Variants in SSR1 observed in about 807,000 individuals in gnomAD.
The protein encoded by SSR1 is translocon-associated protein subunit alpha.
In SSR1, 13 loss-of-function variants were observed where a neutral mutation model predicts 36.1. That is an observed-to-expected ratio of 0.36 (90% CI 0.23 to 0.57). The LOEUF is 0.57. Among genes scored for constraint, SSR1 ranks in the 20% least tolerant of loss-of-function variants. SSR1 has a pLI of 0.81. For synonymous variants in SSR1, 113 were observed against 118.9 expected (o/e 0.95, Z 0.32); for missense variants, 291 against 338.5 (o/e 0.86, Z 1.10).
Position 7,302,536 on chromosome 6 carries a change from C to A in SSR1, c.281-964G>T, listed in dbSNP as rs576358397. ...ATCCCAGTACTTCAGGAGGCAGAGGCGGGCGGATCATGAGGTGGAGATTGA... is the reference window on the plus strand; with the variant it reads ...ATCCCAGTACTTCAGGAGGCAGAGGAGGGCGGATCATGAGGTGGAGATTGA... On this transcript the variant is annotated intron_variant, in intron 3 of 7. Transcript: ENST00000244763. 8.5e-5 allele frequency among the ~76,000 whole-genome samples: 13 copies of A among 152,194 alleles called. 1 individual carries two copies. The highest frequency in any genetic ancestry group is 3.1e-4 in the African/African-American group (13 of 41,536).
At chr6:7,290,678 T>A (rs3799516) in intron 7 of SSR1, among the ~76,000 whole-genome samples, 55,948 of 150,598 alleles carry the variant, frequency 0.37, 10,345 homozygotes, top group South Asian at 0.44. Flanking sequence ...TTTCGTATTG[T>A]TTTTTTTTGG....
chr6:7,309,928 GTTCATCTTCTTCTACCTCGGC>G lies in SSR1; in HGVS notation c.160_180del (p.Ala54_Glu60del). ...TATGTAACACTAACCAAATCTGTGG[GTTCATCTTCTTCTACCTCGGC>G]TTCATCATCTTCATCCTCAATTATG... On this transcript the variant is annotated inframe_deletion, in exon 2 of 8. Transcript: ENST00000244763. 1.2e-6 allele frequency: 2 copies of G among 1,612,182 alleles called. No individual in the cohort carries two copies. Among genetic ancestry groups the G allele is most frequent in the Non-Finnish European group, 1.7e-6 (2 of 1,178,454 alleles).
chr6:7,298,537 A>T (rs1312855179), intron 5 of SSR1: 1 of 512,338 alleles, frequency 2.0e-6, no homozygotes, highest in African/African-American at 1.9e-5. Context: ...ACTTTTAAAG[A>T]GATTCTTCCA....
At chr6:7,292,787 T>C (rs1757711625) in intron 7 of SSR1, among the ~76,000 whole-genome samples, 1 of 152,154 alleles carries the variant, frequency 6.6e-6, no homozygotes, top group South Asian at 2.1e-4. Flanking sequence ...CCTTAAAGAC[T>C]CCTTCTCACC....
chr6:7,294,993 T>C, intron 7 of SSR1: 2 of 1,138,982 alleles, frequency 1.8e-6, no homozygotes, highest in South Asian at 1.7e-5. Context: ...GAAAAATTGT[T>C]CCATTACTCA....
rs1336733563 is a variant in SSR1 at position 7,284,253 on chromosome 6, C to T, written c.*5611G>A. On this transcript the variant is annotated 3_prime_UTR_variant, in exon 8 of 8. Transcript: ENST00000244763. ...CTGAGAAATATGGAGCCTCTTCAAA[C>T]GTGTTTTTAAAAAGAACTGGATGTG... is the stretch of plus-strand genomic sequence containing the variant. The T allele has an allele frequency of 3.3e-5, 5 of 152,094 alleles. No homozygotes were observed. The highest frequency in any genetic ancestry group is 1.9e-4 in the East Asian group (1 of 5,202). 9.4% of individuals were successfully genotyped at this position (152,094 alleles called of 1,614,324 possible).
In SSR1 at chr6:7,301,472, A is replaced by G; in HGVS notation, c.381T>C (p.Pro127=). 6.2e-7 allele frequency: 1 copy of G among 1,614,202 alleles called. No individual in the cohort carries two copies. The highest frequency in any genetic ancestry group is 8.5e-7 in the Non-Finnish European group (1 of 1,180,040). ...TCTGGATATAAAACTGGTAGTCCTG[A>G]GGATAACGGAATGAGGCATCTAAGG... ...VESLDASFRY[P]QDYQFYIQNF... is the part of the protein sequence containing the mutation. The change falls in exon 4 of 8, where the codon CCT becomes CCC. Residue 127 remains proline (P), a synonymous_variant. Coordinates refer to ENST00000244763, the MANE Select transcript of SSR1 (RefSeq NM_003144.5).
Position 7,282,731 on chromosome 6 carries a change from C to G in SSR1, c.*7133G>C, listed in dbSNP as rs1401063566. 6.6e-6 allele frequency: 1 copy of G among 152,388 alleles called. No individual in the cohort carries two copies. The highest frequency in any genetic ancestry group is 2.1e-4 in the South Asian group (1 of 4,830). The allele number at this position is 152,388 out of a possible 1,614,324, so 9.4% of individuals were successfully genotyped here. ...AGTGACCTTTTGGCCACTGCTGTGT[C>G]TGCAGGCTCAGCCTCCTCTAGATCT... On this transcript the variant is annotated 3_prime_UTR_variant, in exon 8 of 8. Transcript: ENST00000244763.
chr6:7,298,130 T>C lies in SSR1; in HGVS notation c.621-129A>G, dbSNP rs926218564. ...TGTGGCGAAAAGGAATAAAATGCTT[T>C]GTATTCAACTTAAATCCAGGTAGTT... On this transcript the variant is annotated intron_variant, in intron 5 of 7. Coordinates refer to ENST00000244763, the MANE Select transcript of SSR1 (RefSeq NM_003144.5). 7.6e-5 allele frequency: 48 copies of C among 631,952 alleles called. No individual in the cohort carries two copies. The African/African-American group carries it at 8.6e-4, about 11-fold the overall frequency. The allele number at this position is 631,952 out of a possible 1,614,324, so 39.1% of individuals were successfully genotyped here. A position where few individuals can be genotyped will look rare whatever the true frequency, so the allele number is the denominator to read the frequency against.
intron 2 of SSR1, among the ~76,000 whole-genome samples, chr6:7,309,213 C>T (rs758036248): frequency 3.3e-5 from 5 of 152,198 alleles, no homozygotes; most frequent in Non-Finnish European, 7.3e-5. Flanking sequence ...CCAGTGCCTT[C>T]AGAGTCCGAG....
rs1757584953 is a variant in SSR1, at chr6:7,287,642, G to A, written c.*2222C>T. 6.6e-6 allele frequency: 1 copy of A among 152,462 alleles called. No homozygotes were observed. The highest frequency in any genetic ancestry group is 2.4e-5 in the African/African-American group (1 of 41,446). The allele number at this position is 152,462 out of a possible 1,614,324, so 9.4% of individuals were successfully genotyped here. On this transcript the variant is annotated 3_prime_UTR_variant, in exon 8 of 8. Coordinates refer to ENST00000244763, the MANE Select transcript of SSR1 (RefSeq NM_003144.5). ...AGGTTTGATACACAAGATCCTTAAA[G>A]TCATTTTACATATTCTGAAACCAAG...
Position 7,302,980 on chromosome 6 carries a change from C to T in SSR1, c.280+570G>A, listed in dbSNP as rs1405264753. ...GGTGAAACCCTGTCTATTAAAAATA[C>T]AAAAAATTAGCCAGGCGTGGTGGCA... is the stretch of plus-strand genomic sequence containing the variant. On this transcript the variant is annotated intron_variant, in intron 3 of 7. Transcript: ENST00000244763. 2.0e-5 allele frequency among the ~76,000 whole-genome samples: 3 copies of T among 150,542 alleles called. No individual in the cohort carries two copies. The East Asian group carries it at 5.9e-4, about 30-fold the overall frequency.
At position 7,281,585 on chromosome 6, in the gene SSR1, A is replaced by G. The variant is rs1209664911; in HGVS notation, c.*8279T>C. 6.6e-6 allele frequency: 1 copy of G among 152,260 alleles called. No homozygotes were observed. Among genetic ancestry groups the G allele is most frequent in the Non-Finnish European group, 1.5e-5 (1 of 68,044 alleles). The allele number at this position is 152,260 out of a possible 1,614,324, so 9.4% of individuals were successfully genotyped here. On this transcript the variant is annotated 3_prime_UTR_variant, in exon 8 of 8. Transcript: ENST00000244763. Reference sequence around the variant, plus strand: ...TCCCAACTAAATTCCAATTTCTTCAATGTTCTCTGAGTTGTTAGATTTCAA... The same window carrying G: ...TCCCAACTAAATTCCAATTTCTTCAGTGTTCTCTGAGTTGTTAGATTTCAA...
intron 3 of SSR1, among the ~76,000 whole-genome samples, chr6:7,303,138 TAAAAAAAAAA>T (rs35763826): frequency 1.4e-4 from 6 of 42,918 alleles, no homozygotes; most frequent in South Asian, 1.8e-3. Flanking sequence ...GACTACATCT[TAAAAAAAAAA>T]AAAAAAAAAA....
At chr6:7,295,330 C>A in intron 7 of SSR1, 62 bp downstream of exon 7, 1 of 1,330,640 alleles carries the variant, frequency 7.5e-7, no homozygotes, top group Admixed American at 2.2e-5. Context: ...TAAACTAAAT[C>A]TAAGGTATTT....
chr6:7,308,860 AAC>A (rs1487563050), intron 2 of SSR1, among the ~76,000 whole-genome samples: 1 of 152,258 alleles, frequency 6.6e-6, no homozygotes, highest in Non-Finnish European at 1.5e-5. Context: ...AAAGAATAAA[AAC>A]AGAGTAAAAG....
Position 7,313,142 on chromosome 6 carries a change from A to G in SSR1, c.-22T>C, listed in dbSNP as rs1758249503. The G allele has an allele frequency of 1.9e-6, 3 of 1,593,400 alleles. No homozygotes were observed. The highest frequency in any genetic ancestry group is 1.7e-6 in the Non-Finnish European group (2 of 1,169,860). ...TCATGGCGCTGCCGGTCCAGTGTCC[A>G]GTTTCCGTCGGCTAAGGCTCTCGGC... On this transcript the variant is annotated 5_prime_UTR_variant, in exon 1 of 8. Transcript: ENST00000244763.
intron 7 of SSR1, chr6:7,294,994 C>A: frequency 8.7e-7 from 1 of 1,149,986 alleles, no homozygotes; most frequent in South Asian, 1.7e-5. Flanking sequence ...AAAAATTGTT[C>A]CATTACTCAT....
At chr6:7,291,630 A>G (rs1422092240) in intron 7 of SSR1, among the ~76,000 whole-genome samples, 1 of 152,222 alleles carries the variant, frequency 6.6e-6, no homozygotes, top group Non-Finnish European at 1.5e-5. Context: ...TCAGATTTTC[A>G]AAAAGGTTAG....
Sources: gnomAD v4.1 joint callset for allele counts (sites outside exome capture counted in the v4.1 genomes callset) on GRCh38, gnomAD v4.1.1 for gene constraint, MANE v1.5 for transcripts, NCBI Gene and HGNC (gene_info 2026-07-23, HGNC 2026-07-21) for gene names.